Variants in NELL1 observed in about 807,000 individuals in gnomAD.
The protein encoded by NELL1 is protein kinase C-binding protein NELL1.
Under a neutral mutation model 107.4 loss-of-function variants are expected in NELL1, and 76 were observed. The observed-to-expected ratio is 0.71, with a 90% confidence interval of 0.59 to 0.86. NELL1 has a LOEUF of 0.86. Ranked by LOEUF, NELL1 falls within the 40% of genes least tolerant of loss-of-function variation. The pLI, the probability that NELL1 is intolerant of heterozygous loss-of-function variation, is 0.00. For missense variants in NELL1, 1,024 were observed against 1,005.5 expected, an observed-to-expected ratio of 1.02 and a Z score of -0.25; for synonymous variants, 353 against 341.2, an observed-to-expected ratio of 1.03 and a Z score of -0.38.
At chr11:21,296,163 A>G (rs549753175) in intron 14 of NELL1, among the ~76,000 whole-genome samples, 125 of 152,174 alleles carry the variant, frequency 8.2e-4, no homozygotes, top group Middle Eastern at 6.8e-3. Context: ...TCAAATCCTT[A>G]TAAATGTTCT....
intron 3 of NELL1, among the ~76,000 whole-genome samples, chr11:20,811,770 T>C (rs1021984440): frequency 1.3e-5 from 2 of 152,130 alleles, no homozygotes; most frequent in African/African-American, 4.8e-5. Context: ...TTACTAATTT[T>C]GCCTGTTGAT....
At chr11:20,724,969 G>A (rs11025714) in intron 2 of NELL1, among the ~76,000 whole-genome samples, 31,864 of 152,062 alleles carry the variant, frequency 0.21, 3,578 homozygotes, top group East Asian at 0.34. Flanking sequence ...AGCAAGGCAC[G>A]TCTTACATGT....
At chr11:20,852,281 A>T (rs2134063083) in intron 4 of NELL1, among the ~76,000 whole-genome samples, 1 of 152,316 alleles carries the variant, frequency 6.6e-6, no homozygotes, top group East Asian at 1.9e-4. Flanking sequence ...CTTATCTTTT[A>T]CTTTTAACAC....
At chr11:21,059,700 G>A (rs2134360524) in intron 12 of NELL1, among the ~76,000 whole-genome samples, 1 of 152,172 alleles carries the variant, frequency 6.6e-6, no homozygotes, top group East Asian at 1.9e-4. Flanking sequence ...ATGCCCTATA[G>A]GACCCCAGGA....
At position 20,937,854 on chromosome 11, in the gene NELL1, T is replaced by C; in HGVS notation, c.1066T>C (p.Cys356Arg). Residue 356 changes from cysteine to arginine, a missense_variant, in exon 10 of 20, where the codon TGC becomes CGC. By Grantham distance (180) the Cys-to-Arg change is radical. Coordinates refer to ENST00000357134, the MANE Select transcript of NELL1 (RefSeq NM_006157.5). ...QRILTKSCRE[C>R]RGGVLVKITE... ...GATTTTAACCAAGAGCTGTCGGGAA[T>C]GCCGAGTAAGTGTTAATTTTATGGT... 1 of 1,614,030 alleles carries C rather than the reference T, an allele frequency of 6.2e-7. No homozygotes were observed. Among genetic ancestry groups the C allele is most frequent in the Non-Finnish European group, 8.5e-7 (1 of 1,179,878 alleles).
In NELL1 at chr11:21,010,011, T is replaced by A. The variant is rs1852412600; in HGVS notation, c.1300+49451T>A. On this transcript the variant is annotated intron_variant, in intron 12 of 19. Coordinates refer to ENST00000357134, the MANE Select transcript of NELL1 (RefSeq NM_006157.5). ...CCCTGTGCTGTGGGATGTGGCTGTT[T>A]GCTATTCTGGCTTAACCCAGGAATG... 2.0e-5 allele frequency among the ~76,000 whole-genome samples: 3 copies of A among 148,382 alleles called. No individual in the cohort carries two copies. In the South Asian group the frequency reaches 6.5e-4, roughly 32 times the overall value.
At chr11:20,689,270 CTTTTTTTA>C (rs1453852403) in intron 2 of NELL1, among the ~76,000 whole-genome samples, 2 of 151,302 alleles carry the variant, frequency 1.3e-5, no homozygotes, top group Non-Finnish European at 2.9e-5. Context: ...TGCAGAAGCC[CTTTTTTTA>C]TTTTTTATTT....
chr11:21,459,848 A>G (rs1458471824), intron 15 of NELL1, among the ~76,000 whole-genome samples: 1 of 152,102 alleles, frequency 6.6e-6, no homozygotes, highest in South Asian at 2.1e-4. Flanking sequence ...TATGCAGACC[A>G]ATGAACTAAA....
chr11:21,402,826 C>T (rs1852131569), intron 15 of NELL1, among the ~76,000 whole-genome samples: 1 of 151,616 alleles, frequency 6.6e-6, no homozygotes, highest in Admixed American at 6.6e-5. Context: ...CATATGAAGC[C>T]TATTGAAGTG....
chr11:21,245,578 C>T (rs1195819096), intron 14 of NELL1, among the ~76,000 whole-genome samples: 1 of 152,144 alleles, frequency 6.6e-6, no homozygotes, highest in Non-Finnish European at 1.5e-5. Context: ...ACTCTCTGTC[C>T]TGGCATTTAT....
rs143991692 is a variant in NELL1 at position 20,895,798 on chromosome 11, G to A, written c.603+10258G>A. 7.2e-5 allele frequency among the ~76,000 whole-genome samples: 11 copies of A among 152,140 alleles called. No individual in the cohort carries two copies. The East Asian group carries it at 1.2e-3, about 16-fold the overall frequency. On this transcript the variant is annotated intron_variant, in intron 5 of 19. Coordinates refer to ENST00000357134, the MANE Select transcript of NELL1 (RefSeq NM_006157.5). ...TGGGATTACAGGCCTGAGCCACTGCGCCTGGCCAGATACTTGCCTTTTTTA... is the reference window on the plus strand; with the variant it reads ...TGGGATTACAGGCCTGAGCCACTGCACCTGGCCAGATACTTGCCTTTTTTA...
chr11:20,942,975 A>G (rs1213969143), intron 10 of NELL1, among the ~76,000 whole-genome samples: 1 of 152,134 alleles, frequency 6.6e-6, no homozygotes, highest in Non-Finnish European at 1.5e-5. Context: ...ATGGATTTGA[A>G]TGCCAGCTTA....
At chr11:20,870,699 T>C (rs1321980419) in intron 4 of NELL1, among the ~76,000 whole-genome samples, 1 of 152,250 alleles carries the variant, frequency 6.6e-6, no homozygotes, top group Non-Finnish European at 1.5e-5. Flanking sequence ...CAATAACTTT[T>C]TGATTAAACA....
intron 3 of NELL1, among the ~76,000 whole-genome samples, chr11:20,820,374 G>A (rs1415118757): frequency 1.3e-5 from 2 of 152,176 alleles, no homozygotes; most frequent in East Asian, 1.9e-4. Context: ...TATAAACTAG[G>A]TGCTGTGCTA....
chr11:21,249,015 G>C (rs1415433432), intron 14 of NELL1, among the ~76,000 whole-genome samples: 1 of 152,152 alleles, frequency 6.6e-6, no homozygotes, highest in Non-Finnish European at 1.5e-5. Flanking sequence ...TGATGATACT[G>C]TTGCTGGGGG....
intron 13 of NELL1, among the ~76,000 whole-genome samples, chr11:21,138,417 C>T (rs546798716): frequency 3.9e-5 from 6 of 152,148 alleles, no homozygotes; most frequent in Non-Finnish European, 7.4e-5. Flanking sequence ...AGGGCACAAA[C>T]TGAGACAAAC....
chr11:20,812,387 T>C (rs962800552), intron 3 of NELL1, among the ~76,000 whole-genome samples: 2 of 152,196 alleles, frequency 1.3e-5, no homozygotes, highest in African/African-American at 4.8e-5. Context: ...GGGATATGGG[T>C]CTGTAGTTTA....
intron 15 of NELL1, among the ~76,000 whole-genome samples, chr11:21,455,358 G>A (rs1214079831): frequency 4.3e-5 from 6 of 139,022 alleles, no homozygotes; most frequent in African/African-American, 5.4e-5. Context: ...AGAGAGACAC[G>A]GCCTTACCTG....
chr11:21,310,180 G>T (rs1458467335), intron 14 of NELL1, among the ~76,000 whole-genome samples: 1 of 152,080 alleles, frequency 6.6e-6, no homozygotes, highest in East Asian at 1.9e-4. Flanking sequence ...TTAAGCCTAT[G>T]TAGAACTAGT....
Sources: gnomAD v4.1 joint callset for allele counts (sites outside exome capture counted in the v4.1 genomes callset) on GRCh38, gnomAD v4.1.1 for gene constraint, MANE v1.5 for transcripts, NCBI Gene and HGNC (gene_info 2026-07-23, HGNC 2026-07-21) for gene names.